The following TANC2 variants were observed in gnomAD, a reference collection of about 807,000 sequenced individuals.
TANC2 encodes the protein tetratricopeptide repeat, ankyrin repeat and coiled-coil containing 2, also known as protein TANC2.
TANC2 carries 26 observed loss-of-function variants against 210.5 expected under a neutral mutation model. That is an observed-to-expected ratio of 0.12 (90% CI 0.09 to 0.17). TANC2 has a LOEUF of 0.17. TANC2 is among the 10% of genes least tolerant of loss of function. The probability of loss-of-function intolerance (pLI) is 1.00; values close to 1 mark genes in which losing one functional copy is unlikely to be tolerated. For synonymous variants in TANC2, 931 were observed against 967.1 expected (o/e 0.96, Z 0.69); for missense variants, 2,129 against 2,608.9 (o/e 0.82, Z 4.01).
At chr17:63,111,251 G>T (rs1174333122) in intron 4 of TANC2, among the ~76,000 whole-genome samples, 1 of 152,122 alleles carries the variant, frequency 6.6e-6, no homozygotes, top group Non-Finnish European at 1.5e-5. Context: ...AGAGGTGGAG[G>T]TTGCAGTGAG....
chr17:63,282,984 T>A (rs2044104821), intron 9 of TANC2, among the ~76,000 whole-genome samples: 2 of 152,084 alleles, frequency 1.3e-5, no homozygotes, highest in Admixed American at 6.6e-5. Context: ...TGTGAATTTA[T>A]GTCTTAGAGG....
At chr17:63,283,472 CAA>C (rs200972497) in intron 9 of TANC2, among the ~76,000 whole-genome samples, 2 of 142,942 alleles carry the variant, frequency 1.4e-5, no homozygotes, top group African/African-American at 2.6e-5. Context: ...TAAATTTCTA[CAA>C]AAAAAAAAAC....
Position 63,400,175 on chromosome 17 carries a change from C to G in TANC2, c.3331+1261C>G, listed in dbSNP as rs182483504. 1.1e-4 allele frequency among the ~76,000 whole-genome samples: 16 copies of G among 152,352 alleles called. No homozygotes were observed. In the East Asian group the frequency reaches 2.1e-3, roughly 20 times the overall value. The stretch of plus-strand genomic sequence containing the variant: ...TCCAACAGTGTTGCCACATCTCCAG[C>G]AGACCCTTTGTTGCCAAGGGCATGG... On this transcript the variant is annotated intron_variant, in intron 19 of 27. Transcript: ENST00000689528.
chr17:63,424,083 T>C (rs980407929), exon 28 of TANC2: 1 of 152,218 alleles, frequency 6.6e-6, no homozygotes, highest in Non-Finnish European at 1.5e-5. Flanking sequence ...CCACTGCATT[T>C]TGAAGAATTT....
Position 63,151,265 on chromosome 17 carries a change from C to T in TANC2, c.323-5C>T, listed in dbSNP as rs2039645331. The T allele has an allele frequency of 1.0e-6, 1 of 983,966 alleles. No homozygotes were observed. Among genetic ancestry groups the T allele is most frequent in the African/African-American group, 1.8e-5 (1 of 56,934 alleles). 61.0% of individuals were successfully genotyped at this position (983,966 alleles called of 1,614,324 possible). ...TGCTTGCTCTCTCTCTCTTTTTGTT[C>T]TTAGCCCCTCTGAGGAAGGCAAAGT... On this transcript the variant is annotated splice_region_variant and splice_polypyrimidine_tract_variant and intron_variant, in intron 4 of 27. Coordinates refer to ENST00000689528, the Ensembl canonical transcript of TANC2.
chr17:63,112,153 G>A (rs1273440652), intron 4 of TANC2, among the ~76,000 whole-genome samples: 2 of 151,992 alleles, frequency 1.3e-5, no homozygotes, highest in Non-Finnish European at 2.9e-5. Context: ...TTGAATTGAC[G>A]GTCCAGCATT....
At chr17:63,093,539 A>G (rs183102673) in intron 3 of TANC2, among the ~76,000 whole-genome samples, 4 of 152,244 alleles carry the variant, frequency 2.6e-5, no homozygotes, top group Admixed American at 2.0e-4. Flanking sequence ...TTGAAATTAT[A>G]TACTGTTTGG....
intron 9 of TANC2, among the ~76,000 whole-genome samples, chr17:63,297,228 A>T (rs565664427): frequency 9.2e-5 from 14 of 152,208 alleles, no homozygotes; most frequent in Non-Finnish European, 1.9e-4. Flanking sequence ...TCTCAAATTC[A>T]CATGGACTTG....
In TANC2 at chr17:63,378,782, T is replaced by C. The variant is rs757050724; in HGVS notation, c.2583-936T>C. 3.9e-4 allele frequency among the ~76,000 whole-genome samples: 60 copies of C among 152,158 alleles called. 1 individual carries two copies. Among genetic ancestry groups the C allele is most frequent in the Non-Finnish European group, 7.9e-4 (54 of 68,028 alleles). On this transcript the variant is annotated intron_variant, in intron 14 of 27. Coordinates refer to ENST00000689528, the Ensembl canonical transcript of TANC2. ...CTAGAGGATATACAGTCTACACTGG[T>C]AGCCATAGAAAGAAAGCCCTCCATT...
At chr17:63,279,154 C>T (rs973338216) in intron 9 of TANC2, among the ~76,000 whole-genome samples, 2 of 151,978 alleles carry the variant, frequency 1.3e-5, no homozygotes, top group East Asian at 1.9e-4. Context: ...GGCACTGAAA[C>T]GTGAAGGTGA....
At chr17:63,406,670 C>T (rs2048517921) in intron 21 of TANC2, among the ~76,000 whole-genome samples, 1 of 152,180 alleles carries the variant, frequency 6.6e-6, no homozygotes, top group Non-Finnish European at 1.5e-5. Flanking sequence ...GTGAAGATCC[C>T]TGCTGACTCT....
At chr17:63,021,965 A>G (rs563884159) in intron 2 of TANC2, among the ~76,000 whole-genome samples, 1 of 152,332 alleles carries the variant, frequency 6.6e-6, no homozygotes, top group South Asian at 2.1e-4. Context: ...GGGTACTGGA[A>G]TAAAGGCTAT....
chr17:63,247,844 T>C (rs963454263), intron 8 of TANC2, among the ~76,000 whole-genome samples: 3 of 152,114 alleles, frequency 2.0e-5, no homozygotes, highest in Non-Finnish European at 2.9e-5. Flanking sequence ...ACAGACCTAC[T>C]TTGGCCTACA....
chr17:63,072,183 GGT>G (rs962448013), intron 2 of TANC2, among the ~76,000 whole-genome samples: 1 of 151,930 alleles, frequency 6.6e-6, no homozygotes, highest in African/African-American at 2.4e-5. Flanking sequence ...AATCCTAGAG[GGT>G]TTAAAACTTA....
Position 63,420,577 on chromosome 17 carries a change from C to T in TANC2, c.4847C>T (p.Pro1616Leu), listed in dbSNP as rs2048995010. 1 of 1,613,870 alleles carries T rather than the reference C, an allele frequency of 6.2e-7. No homozygotes were observed. The highest frequency in any genetic ancestry group is 8.5e-7 in the Non-Finnish European group (1 of 1,179,818). Residue 1616 changes from proline (P) to leucine (L), a missense_variant, in exon 28 of 28, where the codon CCC becomes CTC. Pro to Leu is a moderately conservative substitution (Grantham distance 98). This residue lies in a region of TANC2 where 584 missense variants were observed against 627.3 expected (regional missense o/e 0.93). Coordinates refer to ENST00000689528, the Ensembl canonical transcript of TANC2. The surrounding 1 kb of genome is among the most constrained non-coding windows in gnomAD (Gnocchi z 4.2). ...CAGGGCAAAGAATACCCAAGCCCTC[C>T]CCCTTCCCCTCTCCGGAGAGGCCCT...
intron 12 of TANC2, among the ~76,000 whole-genome samples, chr17:63,347,333 C>T: frequency 6.6e-6 from 1 of 152,052 alleles, no homozygotes; most frequent in Non-Finnish European, 1.5e-5. Flanking sequence ...CAGTGGTTTC[C>T]TATTGAGGAC....
intron 11 of TANC2, among the ~76,000 whole-genome samples, chr17:63,335,724 T>C: frequency 6.6e-6 from 1 of 151,674 alleles, no homozygotes. Context: ...CTGGATAGAA[T>C]CCAGGAACAG....
chr17:63,257,600 T>A (rs976446051), intron 8 of TANC2, among the ~76,000 whole-genome samples: 1 of 152,176 alleles, frequency 6.6e-6, no homozygotes, highest in African/African-American at 2.4e-5. Context: ...GCTCAAGCAG[T>A]CCACCTGCCC....
At chr17:63,138,257 G>A (rs578160603) in intron 4 of TANC2, among the ~76,000 whole-genome samples, 5 of 152,126 alleles carry the variant, frequency 3.3e-5, no homozygotes, top group African/African-American at 7.2e-5. Context: ...TACTGAATAC[G>A]CATATTGAAT....
Sources: allele counts gnomAD v4.1 joint callset (sites outside exome capture counted in the v4.1 genomes callset), GRCh38; gene constraint gnomAD v4.1.1; regional missense constraint gnomAD v4.1.1; non-coding constraint Gnocchi (gnomAD v3.1); transcripts MANE v1.5; gene names NCBI Gene and HGNC (gene_info 2026-07-23, HGNC 2026-07-21).